The following LARGE1 variants were observed in gnomAD, a reference collection of about 807,000 sequenced individuals.
The protein encoded by LARGE1 is LARGE xylosyl- and glucuronyltransferase 1, also known as xylosyl- and glucuronyltransferase LARGE1.
LARGE1 carries 43 observed loss-of-function variants against 87.6 expected under a neutral mutation model. The ratio of observed to expected loss-of-function variants is 0.49; its 90% CI spans 0.38 to 0.63. The LOEUF (loss-of-function observed/expected upper bound fraction) is 0.63, where lower values mean the gene tolerates loss of function less well. Ranked by LOEUF, LARGE1 falls within the 30% of genes least tolerant of loss-of-function variation. The pLI is 0.00. For missense variants in LARGE1, 802 were observed against 1,000.2 expected (o/e 0.80, Z 2.67); for synonymous variants, 434 against 394.6 (o/e 1.10, Z -1.18).
chr22:33,734,805 C>T (rs1569415126), intron 2 of LARGE1, among the ~76,000 whole-genome samples: 1 of 151,952 alleles, frequency 6.6e-6, no homozygotes, highest in Non-Finnish European at 1.5e-5. Flanking sequence ...GGTGGTCACG[C>T]CCCTTCAGAG....
the LARGE1 span, among the ~76,000 whole-genome samples, chr22:33,136,323 A>G: frequency 1.3e-5 from 2 of 152,176 alleles, no homozygotes; most frequent in Admixed American, 1.3e-4. Context: ...TGAAAGGCAC[A>G]TCTTACATGG....
chr22:33,429,616 AG>A lies in LARGE1; in HGVS notation c.892+2544del, dbSNP rs544884220. Among the ~76,000 whole-genome samples, 18 of 152,320 alleles carry A rather than the reference AG, an allele frequency of 1.2e-4. No homozygotes were observed. In the South Asian group the frequency reaches 3.7e-3, roughly 32 times the overall value. On this transcript the variant is annotated intron_variant, in intron 7 of 14. Coordinates refer to ENST00000397394, the MANE Select transcript of LARGE1 (RefSeq NM_133642.5). ...ACGCAGGAAACCGTGATCTTGATGC[AG>A]CATCCCTGAGGCACTGCAGTATATT...
rs138730828 is a variant in LARGE1 at position 33,588,722 on chromosome 22, C to A, written c.615+15713G>T. Among the ~76,000 whole-genome samples the A allele has an allele frequency of 3.0e-3, 450 of 152,296 alleles. 3 individuals are homozygous for A. The highest frequency in any genetic ancestry group is 0.01 in the African/African-American group (433 of 41,562). On this transcript the variant is annotated intron_variant, in intron 5 of 14. Coordinates refer to ENST00000397394, the MANE Select transcript of LARGE1 (RefSeq NM_133642.5). ...GGAGGGAGAAGATGAGGCCCATGGC[C>A]TGGCTTAAGAGGGAGTCAGAGAGAG...
At chr22:33,500,863 T>C (rs2070391904) in intron 6 of LARGE1, among the ~76,000 whole-genome samples, 1 of 152,184 alleles carries the variant, frequency 6.6e-6, no homozygotes, top group East Asian at 1.9e-4. Context: ...TAATGGAAAT[T>C]CACAGCTAAA....
At chr22:33,902,221 C>T (rs1400302030) in intron 1 of LARGE1, among the ~76,000 whole-genome samples, 5 of 151,966 alleles carry the variant, frequency 3.3e-5, no homozygotes, top group African/African-American at 9.7e-5. Context: ...AAAAACAAGA[C>T]GACAAGACTC....
chr22:33,728,580 CCAA>C (rs2083353390), intron 2 of LARGE1, among the ~76,000 whole-genome samples: 2 of 81,944 alleles, frequency 2.4e-5, no homozygotes, highest in African/African-American at 7.7e-5. Context: ...AAAAAAAAAA[CCAA>C]CAACAGAGAC....
chr22:33,497,556 T>C (rs1356162260), intron 6 of LARGE1, among the ~76,000 whole-genome samples: 2 of 152,200 alleles, frequency 1.3e-5, no homozygotes, highest in African/African-American at 4.8e-5. Flanking sequence ...TCAGTAGAGA[T>C]CATTCACATA....
At chr22:33,576,813 T>C (rs1460807765) in intron 5 of LARGE1, among the ~76,000 whole-genome samples, 1 of 152,208 alleles carries the variant, frequency 6.6e-6, no homozygotes, top group Non-Finnish European at 1.5e-5. Flanking sequence ...AGAGTGCTTA[T>C]TAATACCTAA....
rs192971163 is a variant in LARGE1, at chr22:33,916,213, G to T, written c.-83+3782C>A. Among the ~76,000 whole-genome samples, 192 of 152,074 alleles carry T rather than the reference G, an allele frequency of 1.3e-3. 1 individual carries two copies. Among genetic ancestry groups the T allele is most frequent in the African/African-American group, 4.5e-3 (185 of 41,488 alleles). On this transcript the variant is annotated intron_variant, in intron 1 of 14. Transcript: ENST00000397394. The stretch of plus-strand genomic sequence containing the variant: ...GGAGAATTGCTTGAACCCGGGAGGC[G>T]GAGGTTGCAGTGAGCTAAGATCATG...
intron 1 of LARGE1, among the ~76,000 whole-genome samples, chr22:33,799,465 T>A (rs1160481302): frequency 6.6e-6 from 1 of 152,066 alleles, no homozygotes; most frequent in East Asian, 1.9e-4. Context: ...TTTGAGAAGT[T>A]GTTTTGCTCT....
At chr22:33,634,904 G>A (rs1005115056) in intron 3 of LARGE1, among the ~76,000 whole-genome samples, 2 of 151,868 alleles carry the variant, frequency 1.3e-5, no homozygotes, top group Non-Finnish European at 2.9e-5. Flanking sequence ...TGAGGCGGGT[G>A]GATCACAGGT....
intron 1 of LARGE1, among the ~76,000 whole-genome samples, chr22:33,910,600 A>C (rs1295521491): frequency 6.6e-6 from 1 of 152,184 alleles, no homozygotes; most frequent in Non-Finnish European, 1.5e-5. Context: ...GACGATGAGT[A>C]ACTCTGCACC....
rs1425570681 is a variant in LARGE1 at position 33,785,070 on chromosome 22, T to C, written c.-82-23512A>G. ...ATACATACATGTGTATATAGATATA[T>C]GTGTATACATACATATGTGTATATA... is the stretch of plus-strand genomic sequence containing the variant. On this transcript the variant is annotated intron_variant, in intron 1 of 14. Transcript: ENST00000397394. Among the ~76,000 whole-genome samples, 6 of 137,274 alleles carry C rather than the reference T, an allele frequency of 4.4e-5. No individual in the cohort carries two copies. In the East Asian group the frequency reaches 1.4e-3, roughly 32 times the overall value. The allele number at this position is 137,274 out of a possible 152,430, so 90.1% of individuals were successfully genotyped here.
At chr22:33,076,338 A>T in the LARGE1 span, among the ~76,000 whole-genome samples, 2 of 152,226 alleles carry the variant, frequency 1.3e-5, no homozygotes, top group South Asian at 4.1e-4. Flanking sequence ...TATACTTGTG[A>T]TGGGATTTAT....
intron 2 of LARGE1, among the ~76,000 whole-genome samples, chr22:33,743,430 T>C (rs1442861293): frequency 6.6e-6 from 1 of 152,122 alleles, no homozygotes; most frequent in Non-Finnish European, 1.5e-5. Flanking sequence ...CCTGGAGTCA[T>C]CACTGACTCT....
intron 8 of LARGE1, among the ~76,000 whole-genome samples, chr22:33,382,509 TG>T (rs1189985704): frequency 6.6e-6 from 1 of 152,210 alleles, no homozygotes; most frequent in African/African-American, 2.4e-5. Context: ...CAGTGCTTCC[TG>T]GGGCCTGCGG....
At chr22:33,656,286 T>C (rs1034272889) in intron 2 of LARGE1, among the ~76,000 whole-genome samples, 5 of 152,144 alleles carry the variant, frequency 3.3e-5, no homozygotes, top group Non-Finnish European at 7.3e-5. Flanking sequence ...ACATCTTACA[T>C]GGTGGCAGGC....
chr22:33,460,160 T>C (rs1028306483), intron 6 of LARGE1, among the ~76,000 whole-genome samples: 2 of 152,202 alleles, frequency 1.3e-5, no homozygotes, highest in African/African-American at 2.4e-5. Context: ...GAAATGCAAT[T>C]TCCTCCTCTA....
chr22:33,330,068 T>C (rs1353295447), intron 10 of LARGE1, among the ~76,000 whole-genome samples: 3 of 152,004 alleles, frequency 2.0e-5, no homozygotes, highest in Non-Finnish European at 2.9e-5. Flanking sequence ...CAGTGGGTTC[T>C]TTACAGAAGG....
Sources: allele counts gnomAD v4.1 joint callset (sites outside exome capture counted in the v4.1 genomes callset), GRCh38; gene constraint gnomAD v4.1.1; transcripts MANE v1.5; gene names NCBI Gene and HGNC (gene_info 2026-07-23, HGNC 2026-07-21).